CDC16: variants seen among roughly 807,000 people sequenced by gnomAD.
CDC16 encodes the protein cell division cycle protein 16 homolog.
Under a neutral mutation model 87.0 loss-of-function variants are expected in CDC16, and 34 were observed. That is an observed-to-expected ratio of 0.39 (90% CI 0.30 to 0.52). The LOEUF (loss-of-function observed/expected upper bound fraction) is 0.52. Ranked by LOEUF, CDC16 falls within the 20% of genes least tolerant of loss-of-function variation. The pLI is 0.74. For synonymous variants in CDC16, 263 were observed against 260.6 expected (o/e 1.01, Z -0.09); for missense variants, 653 against 751.9 (o/e 0.87, Z 1.54).
At position 114,244,942 on chromosome 13, in the gene CDC16, A is replaced by G. The variant is rs1406586336; in HGVS notation, c.820A>G (p.Thr274Ala). Residue 274 changes from threonine to alanine, a missense_variant, in exon 9 of 18, where the codon ACG (threonine) becomes GCG (alanine). Coordinates refer to ENST00000356221, the MANE Select transcript of CDC16 (RefSeq NM_001078645.3). The stretch of plus-strand genomic sequence containing the variant: ...AAGTTGTTTACCTGTACATATAGGG[A>G]CGCTTGTAGAGCTGAATAAAGCCAA... ...HASCLPVHIG[T>A]LVELNKANEL... 1 of 1,606,312 alleles carries G rather than the reference A, an allele frequency of 6.2e-7. No homozygotes were observed. Among genetic ancestry groups the G allele is most frequent in the Non-Finnish European group, 8.5e-7 (1 of 1,174,014 alleles).
chr13:114,265,325 C>T (rs2083135246), intron 17 of CDC16, 85 bp downstream of exon 17: 1 of 866,482 alleles, frequency 1.2e-6, no homozygotes, highest in African/African-American at 1.7e-5. Context: ...ATATTCTCGT[C>T]TGAGGTTCCA....
intron 14 of CDC16, among the ~76,000 whole-genome samples, chr13:114,260,708 G>T (rs555561423): frequency 6.6e-6 from 1 of 152,174 alleles, no homozygotes; most frequent in African/African-American, 2.4e-5. Context: ...TATACGAAGA[G>T]GGGGAAAATA....
At chr13:114,236,522 A>G (rs2081257649) in intron 1 of CDC16, 123 bp from the exon 2 acceptor site, 3 of 837,014 alleles carry the variant, frequency 3.6e-6, no homozygotes, top group South Asian at 4.5e-5. Flanking sequence ...TTGTCTTGAG[A>G]TGAAGATTTA....
chr13:114,265,133 T>C lies in CDC16; in HGVS notation c.1513-17T>C, dbSNP rs772787095. Reference sequence around the variant, plus strand: ...ATATGTTTTCTTTTAATAACCATGCTGAATCTTTTATGGCAGGCCCTTGGT... The same window carrying C: ...ATATGTTTTCTTTTAATAACCATGCCGAATCTTTTATGGCAGGCCCTTGGT... On this transcript the variant is annotated splice_polypyrimidine_tract_variant and intron_variant, in intron 16 of 17. Coordinates refer to ENST00000356221, the MANE Select transcript of CDC16 (RefSeq NM_001078645.3). The C allele has an allele frequency of 6.5e-7, 1 of 1,536,092 alleles. No homozygotes were observed. The highest frequency in any genetic ancestry group is 1.1e-5 in the South Asian group (1 of 89,372).
chr13:114,241,340 G>A (rs555012681), intron 5 of CDC16, among the ~76,000 whole-genome samples: 2 of 152,338 alleles, frequency 1.3e-5, no homozygotes, highest in South Asian at 4.1e-4. Context: ...ACAAGTAATT[G>A]GCAGAGCTGG....
intron 5 of CDC16, among the ~76,000 whole-genome samples, chr13:114,241,147 G>A (rs1002318169): frequency 1.3e-5 from 2 of 152,148 alleles, no homozygotes; most frequent in Admixed American, 1.3e-4. Flanking sequence ...TATGGTAGTC[G>A]TGAGATGGCT....
chr13:114,235,710 G>C (rs2081215935), intron 1 of CDC16, among the ~76,000 whole-genome samples: 2 of 152,150 alleles, frequency 1.3e-5, no homozygotes, highest in South Asian at 4.1e-4. Context: ...TGAAATGCTT[G>C]CTCTTTCAGG....
At position 114,272,170 on chromosome 13, in the gene CDC16, G is replaced by A. The variant is rs766514276; in HGVS notation, c.1604-14G>A. ...AATTTCTTATTTTATTCTAATTATA[G>A]TATTTCTTTTTAGGAGCAGACATTA... On this transcript the variant is annotated splice_polypyrimidine_tract_variant and intron_variant, in intron 17 of 17. Transcript: ENST00000356221. The A allele has an allele frequency of 2.0e-5, 28 of 1,366,058 alleles. No individual in the cohort carries two copies. In the South Asian group the frequency reaches 3.2e-4, roughly 15 times the overall value. 84.6% of individuals were successfully genotyped at this position (1,366,058 alleles called of 1,614,324 possible).
chr13:114,252,781 A>G (rs916205523), intron 12 of CDC16, among the ~76,000 whole-genome samples: 1 of 152,186 alleles, frequency 6.6e-6, no homozygotes. Flanking sequence ...ATCAGAATCA[A>G]TGATAATTAA....
intron 17 of CDC16, among the ~76,000 whole-genome samples, chr13:114,265,852 G>A (rs1177062109): frequency 6.7e-6 from 1 of 150,070 alleles, no homozygotes; most frequent in Non-Finnish European, 1.5e-5. Flanking sequence ...CTTCGCTCTT[G>A]TTGCCCAGGC....
chr13:114,238,344 T>G (rs1474536593), intron 3 of CDC16, among the ~76,000 whole-genome samples: 5 of 138,956 alleles, frequency 3.6e-5, no homozygotes, highest in Admixed American at 7.1e-5. Context: ...GCTGCTGCGA[T>G]CTCCTCGGAT....
At chr13:114,245,942 ATGTCT>A in intron 9 of CDC16, 53 bp from the exon 10 acceptor site, 1 of 877,030 alleles carries the variant, frequency 1.1e-6, no homozygotes. Context: ...TAATGAAATC[ATGTCT>A]TAAATTACAT....
rs767540622 is a variant in CDC16 at position 114,263,017 on chromosome 13, A to G, written c.1512+3A>G. ...ATGCTGTGGACTACTTCCACACAGTATGTCTTTTCTTTGTACCTAATTTTA... is the reference window on the plus strand; with the variant it reads ...ATGCTGTGGACTACTTCCACACAGTGTGTCTTTTCTTTGTACCTAATTTTA... On this transcript the variant is annotated splice_donor_region_variant and intron_variant, in intron 16 of 17. Coordinates refer to ENST00000356221, the MANE Select transcript of CDC16 (RefSeq NM_001078645.3). 1 of 1,612,988 alleles carries G rather than the reference A, an allele frequency of 6.2e-7. No homozygotes were observed. Among genetic ancestry groups the G allele is most frequent in the Non-Finnish European group, 8.5e-7 (1 of 1,178,984 alleles).
chr13:114,244,123 T>C, intron 8 of CDC16, 134 bp downstream of exon 8: 2 of 608,810 alleles, frequency 3.3e-6, no homozygotes, highest in East Asian at 2.8e-5. Context: ...TGTAGAGCAC[T>C]GAACAGGGTG....
intron 8 of CDC16, 181 bp from the exon 9 acceptor site, chr13:114,244,709 C>A (rs1171186096): frequency 2.5e-6 from 1 of 402,700 alleles, no homozygotes; most frequent in Non-Finnish European, 4.4e-6. Context: ...TTTTTTCTTT[C>A]ATTTGTAACT....
At chr13:114,271,493 G>T (rs1280326528) in intron 17 of CDC16, among the ~76,000 whole-genome samples, 5 of 148,788 alleles carry the variant, frequency 3.4e-5, no homozygotes, top group African/African-American at 1.3e-4. Context: ...CTTTTTTTTT[G>T]AGATGGAATC....
At chr13:114,260,043 A>G (rs574232637) in intron 14 of CDC16, among the ~76,000 whole-genome samples, 2 of 152,340 alleles carry the variant, frequency 1.3e-5, no homozygotes, top group South Asian at 4.1e-4. Flanking sequence ...AGAGATTTGC[A>G]TGATGCTCTT....
At chr13:114,237,181 G>T (rs1160214139) in intron 3 of CDC16, among the ~76,000 whole-genome samples, 3 of 151,350 alleles carry the variant, frequency 2.0e-5, no homozygotes, top group Non-Finnish European at 4.4e-5. Context: ...CTGAGTTCGT[G>T]CATTGCACTC....
intron 11 of CDC16, among the ~76,000 whole-genome samples, chr13:114,247,720 AC>A (rs1173124279): frequency 1.3e-5 from 2 of 152,112 alleles, no homozygotes; most frequent in African/African-American, 2.4e-5. Flanking sequence ...TACTAAAAAT[AC>A]AAAAAATTAG....
Sources: gnomAD v4.1 joint callset for allele counts (sites outside exome capture counted in the v4.1 genomes callset) on GRCh38, gnomAD v4.1.1 for gene constraint, MANE v1.5 for transcripts, NCBI Gene and HGNC (gene_info 2026-07-23, HGNC 2026-07-21) for gene names.